The following DYNC1I1 variants were observed in gnomAD, a reference collection of about 807,000 sequenced individuals.
DYNC1I1 encodes the protein dynein cytoplasmic 1 intermediate chain 1.
Under a neutral mutation model 86.6 loss-of-function variants are expected in DYNC1I1, and 43 were observed. That is an observed-to-expected ratio of 0.50 (90% CI 0.39 to 0.64). The LOEUF (loss-of-function observed/expected upper bound fraction) is 0.64, where lower values mean the gene tolerates loss of function less well. DYNC1I1 is among the 30% of genes least tolerant of loss of function. DYNC1I1 has a pLI of 0.00. For synonymous variants in DYNC1I1, 262 were observed against 283.7 expected, an observed-to-expected ratio of 0.92 and a Z score of 0.77; for missense variants, 604 against 788.8, an observed-to-expected ratio of 0.77 and a Z score of 2.81.
intron 15 of DYNC1I1, among the ~76,000 whole-genome samples, chr7:96,077,361 G>C (rs1000220901): frequency 1.3e-5 from 2 of 151,882 alleles, no homozygotes; most frequent in Non-Finnish European, 2.9e-5. Flanking sequence ...TTGCTGCCAA[G>C]TAGTTATCTT....
intron 10 of DYNC1I1, among the ~76,000 whole-genome samples, chr7:96,014,780 A>G (rs1055181248): frequency 2.6e-5 from 4 of 152,196 alleles, no homozygotes; most frequent in Admixed American, 2.6e-4. Flanking sequence ...CAGACAATTC[A>G]TTATAATTTA....
intron 6 of DYNC1I1, among the ~76,000 whole-genome samples, chr7:95,884,343 C>G (rs915063493): frequency 7.2e-5 from 11 of 151,950 alleles, no homozygotes; most frequent in African/African-American, 2.7e-4. Context: ...ATTGGAGGAG[C>G]TCACCTCAGC....
Position 95,852,574 on chromosome 7 carries a change from T to C in DYNC1I1, c.375-17309T>C, listed in dbSNP as rs549900300. On this transcript the variant is annotated intron_variant, in intron 5 of 16. Coordinates refer to ENST00000447467, the MANE Select transcript of DYNC1I1 (RefSeq NM_001135556.2). ...CCAGGCTGGAGGTAATGGCACAATC[T>C]TGGCTCACTGCAACCTCTGCCTCCT... 3.6e-4 allele frequency among the ~76,000 whole-genome samples: 55 copies of C among 152,242 alleles called. 1 individual carries two copies. Among genetic ancestry groups the C allele is most frequent in the Middle Eastern group, 3.4e-3 (1 of 294 alleles).
intron 6 of DYNC1I1, among the ~76,000 whole-genome samples, chr7:95,903,340 G>C (rs960523822): frequency 2.0e-5 from 3 of 152,128 alleles, no homozygotes; most frequent in Non-Finnish European, 4.4e-5. Context: ...ACTTATTTAG[G>C]GAAGTGTTCA....
Position 95,996,059 on chromosome 7 carries a change from G to T in DYNC1I1, c.955G>T (p.Val319Phe). 1 of 1,614,026 alleles carries T rather than the reference G, an allele frequency of 6.2e-7. No homozygotes were observed. Among genetic ancestry groups the T allele is most frequent in the Non-Finnish European group, 8.5e-7 (1 of 1,179,940 alleles). ...GTTTAAGAAAACCACACCAGAATAC[G>T]TCTTCCACTGTCAGGTAGGAGTCAG... ...MKFKKTTPEYVFHCQSSVMSV... is the reference protein window; with the variant it reads ...MKFKKTTPEYFFHCQSSVMSV... The change falls in exon 10 of 17, where the codon GTC (valine) becomes TTC (phenylalanine). Residue 319 changes from valine to phenylalanine, a missense_variant. Physicochemically the swap from Val to Phe is conservative, Grantham distance 50. Transcript: ENST00000447467.
intron 16 of DYNC1I1, among the ~76,000 whole-genome samples, chr7:96,084,000 T>C (rs1406143821): frequency 1.3e-5 from 2 of 152,194 alleles, no homozygotes; most frequent in Non-Finnish European, 2.9e-5. Context: ...AATACATGTC[T>C]GTGGGAAGAC....
At chr7:95,784,781 A>G (rs7803735) in intron 1 of DYNC1I1, among the ~76,000 whole-genome samples, 49,334 of 152,134 alleles carry the variant, frequency 0.32, 8,581 homozygotes, top group South Asian at 0.5. Flanking sequence ...TCCTGTGAAC[A>G]TTGTCTGTAA....
chr7:96,064,693 G>A (rs190843760), intron 14 of DYNC1I1, among the ~76,000 whole-genome samples: 2 of 152,270 alleles, frequency 1.3e-5, no homozygotes, highest in Non-Finnish European at 2.9e-5. Flanking sequence ...TGGTCCTGGG[G>A]AGTCTAGGAA....
At chr7:95,830,051 G>A (rs1231536542) in intron 5 of DYNC1I1, among the ~76,000 whole-genome samples, 1 of 152,026 alleles carries the variant, frequency 6.6e-6, no homozygotes, top group Non-Finnish European at 1.5e-5. Flanking sequence ...ATTTTTGAGA[G>A]ATGACATTAT....
At chr7:96,094,067 C>T (rs150529418) in intron 16 of DYNC1I1, among the ~76,000 whole-genome samples, 416 of 152,218 alleles carry the variant, frequency 2.7e-3, no homozygotes, top group African/African-American at 9.4e-3. Context: ...AGGCTATTCA[C>T]TTTTTAATGT....
intron 6 of DYNC1I1, among the ~76,000 whole-genome samples, chr7:95,955,494 T>A (rs1334373828): frequency 6.6e-6 from 1 of 152,114 alleles, no homozygotes; most frequent in African/African-American, 2.4e-5. Context: ...TAATTTATTT[T>A]ATTTATTATT....
intron 16 of DYNC1I1, among the ~76,000 whole-genome samples, chr7:96,107,573 C>G (rs1791236148): frequency 6.6e-6 from 1 of 150,838 alleles, no homozygotes; most frequent in Admixed American, 6.6e-5. Flanking sequence ...GCTCTATTGC[C>G]CAGGCTAGAG....
chr7:95,984,716 T>C, intron 7 of DYNC1I1, 99 bp from the exon 8 acceptor site: 3 of 1,183,302 alleles, frequency 2.5e-6, no homozygotes, highest in Non-Finnish European at 2.3e-6. Flanking sequence ...ACTCGTTTGA[T>C]AAGCAGTCTC....
intron 6 of DYNC1I1, among the ~76,000 whole-genome samples, chr7:95,896,843 A>T (rs1039946336): frequency 1.3e-5 from 2 of 152,248 alleles, no homozygotes; most frequent in African/African-American, 4.8e-5. Context: ...TATGAAAGCT[A>T]AACAGTAAAA....
At chr7:95,939,668 T>C (rs1792146981) in intron 6 of DYNC1I1, among the ~76,000 whole-genome samples, 1 of 151,364 alleles carries the variant, frequency 6.6e-6, no homozygotes, top group Non-Finnish European at 1.5e-5. Context: ...TCCTCCATCC[T>C]TTTATTTTGA....
chr7:95,795,337 G>A (rs568149735), intron 1 of DYNC1I1, among the ~76,000 whole-genome samples: 1 of 130,990 alleles, frequency 7.6e-6, no homozygotes, highest in East Asian at 2.3e-4. Context: ...AAATGTGTAT[G>A]ACTATATCTG....
intron 6 of DYNC1I1, among the ~76,000 whole-genome samples, chr7:95,965,514 A>T (rs554551667): frequency 1.3e-5 from 2 of 152,300 alleles, no homozygotes; most frequent in South Asian, 4.1e-4. Flanking sequence ...TGTTTAAAGT[A>T]TTGCCATTAT....
chr7:95,948,759 G>A (rs1792472236), intron 6 of DYNC1I1, among the ~76,000 whole-genome samples: 1 of 152,138 alleles, frequency 6.6e-6, no homozygotes, highest in Non-Finnish European at 1.5e-5. Flanking sequence ...CAAAACAAGT[G>A]GGCATACTTT....
At chr7:95,804,331 G>C in intron 1 of DYNC1I1, 1 of 1,268,024 alleles carries the variant, frequency 7.9e-7, no homozygotes, top group African/African-American at 1.5e-5. Context: ...TCAGTGTGGG[G>C]ATGAATTGCT....
Sources: gnomAD v4.1 joint callset for allele counts (sites outside exome capture counted in the v4.1 genomes callset) on GRCh38, gnomAD v4.1.1 for gene constraint, MANE v1.5 for transcripts, NCBI Gene and HGNC (gene_info 2026-07-23, HGNC 2026-07-21) for gene names.